CAMK2D: variants seen among roughly 807,000 people sequenced by gnomAD.
CAMK2D encodes calcium/calmodulin-dependent protein kinase type II subunit delta.
CAMK2D carries 37 observed loss-of-function variants against 84.0 expected under a neutral mutation model. The observed-to-expected ratio is 0.44, with a 90% CI of 0.34 to 0.58. The LOEUF (loss-of-function observed/expected upper bound fraction) is 0.58. Ranked by LOEUF, CAMK2D falls within the 20% of genes least tolerant of loss-of-function variation. The probability of loss-of-function intolerance (pLI) is 0.02; values close to 1 mark genes in which losing one functional copy is unlikely to be tolerated. For missense variants in CAMK2D, 448 were observed against 652.5 expected (o/e 0.69, Z 3.41); for synonymous variants, 202 against 212.5 (o/e 0.95, Z 0.43).
intron 4 of CAMK2D, among the ~76,000 whole-genome samples, chr4:113,578,865 T>C (rs1414578178): frequency 2.0e-5 from 3 of 152,172 alleles, no homozygotes; most frequent in Admixed American, 1.3e-4. Flanking sequence ...TGGCAGAAAA[T>C]AGCATTGAGC....
chr4:113,459,719 C>T lies in CAMK2D; in HGVS notation c.1306+428G>A, dbSNP rs1171241684. On this transcript the variant is annotated intron_variant, in intron 18 of 20. Transcript: ENST00000511664. Reference sequence around the variant, plus strand: ...TTGGCTCACTGCAACTTCCACCTCACGGGTTCAAGCAATTCTCATACCTCA... The same window carrying T: ...TTGGCTCACTGCAACTTCCACCTCATGGGTTCAAGCAATTCTCATACCTCA... Among the ~76,000 whole-genome samples, 8 of 149,928 alleles carry T rather than the reference C, an allele frequency of 5.3e-5. No individual in the cohort carries two copies. In the South Asian group the frequency reaches 6.3e-4, roughly 12 times the overall value.
intron 2 of CAMK2D, among the ~76,000 whole-genome samples, chr4:113,714,860 G>A (rs1034538658): frequency 1.2e-4 from 18 of 152,040 alleles, no homozygotes; most frequent in African/African-American, 4.3e-4. Flanking sequence ...GTACCAGCTG[G>A]AGACCACAGG....
intron 15 of CAMK2D, among the ~76,000 whole-genome samples, chr4:113,501,956 T>C (rs2098054097): frequency 6.6e-6 from 1 of 152,158 alleles, no homozygotes; most frequent in African/African-American, 2.4e-5. Flanking sequence ...TCATGTTTTT[T>C]ACTTTAATGG....
chr4:113,656,811 C>T (rs188911030), intron 3 of CAMK2D, among the ~76,000 whole-genome samples: 10 of 152,208 alleles, frequency 6.6e-5, no homozygotes, highest in African/African-American at 9.6e-5. Flanking sequence ...CCTGACAAAA[C>T]GCTCTAAAGC....
At chr4:113,552,938 A>G (rs1392334671) in intron 4 of CAMK2D, among the ~76,000 whole-genome samples, 2 of 152,188 alleles carry the variant, frequency 1.3e-5, no homozygotes, top group Non-Finnish European at 2.9e-5. Context: ...CAGAACACCT[A>G]TTCAATTGTG....
intron 6 of CAMK2D, 122 bp from the exon 7 acceptor site, chr4:113,537,565 G>T: frequency 3.2e-6 from 2 of 631,734 alleles, no homozygotes; most frequent in South Asian, 1.9e-5. Flanking sequence ...CTTTCCTGGA[G>T]ACTGCCATTC....
chr4:113,456,531 T>C (rs542568477), intron 19 of CAMK2D: 52 of 152,312 alleles, frequency 3.4e-4, no homozygotes, highest in African/African-American at 1.2e-3. Flanking sequence ...CCTTTGCTTT[T>C]TCAGTCTATG....
intron 2 of CAMK2D, among the ~76,000 whole-genome samples, chr4:113,737,241 C>A (rs1206192853): frequency 2.6e-5 from 4 of 152,036 alleles, no homozygotes; most frequent in African/African-American, 9.7e-5. Context: ...ATAGAAGCAA[C>A]CTGCATGTCC....
intron 4 of CAMK2D, among the ~76,000 whole-genome samples, chr4:113,558,384 C>A (rs1449775837): frequency 6.6e-6 from 1 of 151,916 alleles, no homozygotes; most frequent in Non-Finnish European, 1.5e-5. Context: ...ATTATGGCCT[C>A]GATATTTTTA....
chr4:113,460,666 C>A (rs62314975), intron 17 of CAMK2D, among the ~76,000 whole-genome samples: 1 of 147,674 alleles, frequency 6.8e-6, no homozygotes, highest in Non-Finnish European at 1.5e-5. Context: ...AAATTAAATA[C>A]TTCTGCAATA....
intron 4 of CAMK2D, among the ~76,000 whole-genome samples, chr4:113,593,271 C>A (rs909497260): frequency 1.3e-5 from 2 of 152,174 alleles, no homozygotes; most frequent in Admixed American, 6.5e-5. Context: ...AACAAACTGA[C>A]AAATTAACAC....
At chr4:113,634,439 T>G (rs1474165650) in intron 3 of CAMK2D, among the ~76,000 whole-genome samples, 5 of 152,196 alleles carry the variant, frequency 3.3e-5, no homozygotes, top group African/African-American at 9.6e-5. Context: ...TTTTATCTAT[T>G]TCTTTGGTAG....
intron 2 of CAMK2D, among the ~76,000 whole-genome samples, chr4:113,666,533 G>T (rs2099257885): frequency 6.6e-6 from 1 of 152,020 alleles, no homozygotes; most frequent in African/African-American, 2.4e-5. Context: ...GTTGCCTTCT[G>T]TCATAATTGG....
intron 2 of CAMK2D, among the ~76,000 whole-genome samples, chr4:113,668,775 C>G (rs954072448): frequency 9.2e-5 from 14 of 152,012 alleles, no homozygotes; most frequent in Admixed American, 1.3e-4. Flanking sequence ...TGCTAAACAT[C>G]TCAAAAATAA....
intron 3 of CAMK2D, among the ~76,000 whole-genome samples, chr4:113,645,898 T>C (rs1264265996): frequency 6.6e-6 from 1 of 152,178 alleles, no homozygotes; most frequent in East Asian, 1.9e-4. Flanking sequence ...GAGAAACACA[T>C]CAAAGATCAC....
chr4:113,756,496 A>C lies in CAMK2D; in HGVS notation c.160+2824T>G, dbSNP rs1859232. Among the ~76,000 whole-genome samples, 1,037 of 152,152 alleles carry C rather than the reference A, an allele frequency of 6.8e-3. 17 individuals are homozygous for C. Among genetic ancestry groups the C allele is most frequent in the African/African-American group, 0.023 (966 of 41,544 alleles). ...CAAAAATCAGTACCTTAGAAAAAAC[A>C]AGCATACTATTTTGCAATTCTTTCT... On this transcript the variant is annotated intron_variant, in intron 2 of 20. Coordinates refer to ENST00000511664, the MANE Select transcript of CAMK2D (RefSeq NM_001321571.2).
chr4:113,579,718 A>G (rs2098799435), intron 4 of CAMK2D, among the ~76,000 whole-genome samples: 1 of 152,132 alleles, frequency 6.6e-6, no homozygotes, highest in African/African-American at 2.4e-5. Context: ...GCCAAAATAA[A>G]CCTTTTTTCT....
intron 3 of CAMK2D, among the ~76,000 whole-genome samples, chr4:113,631,782 G>A (rs775781956): frequency 6.6e-6 from 1 of 152,146 alleles, no homozygotes; most frequent in African/African-American, 2.4e-5. Context: ...AACAGAACCT[G>A]AAAATTAATT....
intron 4 of CAMK2D, among the ~76,000 whole-genome samples, chr4:113,586,408 T>G (rs529495231): frequency 6.6e-6 from 1 of 152,314 alleles, no homozygotes; most frequent in Non-Finnish European, 1.5e-5. Context: ...CTCACAGATT[T>G]TTCTCAATTA....
Sources: allele counts gnomAD v4.1 joint callset (sites outside exome capture counted in the v4.1 genomes callset), GRCh38; gene constraint gnomAD v4.1.1; transcripts MANE v1.5; gene names NCBI Gene and HGNC (gene_info 2026-07-23, HGNC 2026-07-21).